Variants in GSK3B observed in about 807,000 individuals in gnomAD.
GSK3B encodes the protein glycogen synthase kinase 3 beta.
GSK3B carries 15 observed loss-of-function variants against 56.4 expected under a neutral mutation model. That is an observed-to-expected ratio of 0.27 (90% CI 0.18 to 0.41). GSK3B has a LOEUF of 0.41. Among genes scored for constraint, GSK3B ranks in the 10% least tolerant of loss-of-function variants. GSK3B has a pLI of 1.00. For missense variants in GSK3B, 300 were observed against 513.4 expected (o/e 0.58, Z 4.02); for synonymous variants, 181 against 188.9 (o/e 0.96, Z 0.34).
intron 7 of GSK3B, among the ~76,000 whole-genome samples, chr3:119,878,252 T>C (rs576411102): frequency 1.3e-5 from 2 of 152,282 alleles, no homozygotes; most frequent in Admixed American, 1.3e-4. Context: ...ATTTACAATA[T>C]ATAAAGAACT....
At chr3:120,051,957 A>G (rs887962612) in intron 1 of GSK3B, among the ~76,000 whole-genome samples, 2 of 152,180 alleles carry the variant, frequency 1.3e-5, no homozygotes, top group Non-Finnish European at 2.9e-5. Flanking sequence ...GGCATTTAAA[A>G]CCAGTGAAAA....
At chr3:119,961,652 G>GAAAAAAAAAA (rs1408724077) in intron 2 of GSK3B, among the ~76,000 whole-genome samples, 1 of 142,878 alleles carries the variant, frequency 7.0e-6, no homozygotes. Context: ...AAAAAAAAAG[G>GAAAAAAAAAA]AAAAAGCACT....
intron 10 of GSK3B, among the ~76,000 whole-genome samples, chr3:119,838,675 A>G (rs2055728666): frequency 6.6e-6 from 1 of 152,180 alleles, no homozygotes; most frequent in Non-Finnish European, 1.5e-5. Context: ...GTATTAAAAC[A>G]ATTTCCTACT....
chr3:119,868,555 C>T (rs1477370061), intron 8 of GSK3B, among the ~76,000 whole-genome samples: 1 of 152,176 alleles, frequency 6.6e-6, no homozygotes, highest in East Asian at 1.9e-4. Flanking sequence ...ATACTAAGAC[C>T]TATGGTTAAC....
chr3:120,009,520 A>G (rs555316394), intron 1 of GSK3B, among the ~76,000 whole-genome samples: 2 of 152,328 alleles, frequency 1.3e-5, no homozygotes, highest in Non-Finnish European at 2.9e-5. Flanking sequence ...AGGAGAGTTC[A>G]TGTCCTTTGC....
chr3:120,012,985 G>A (rs2057792499), intron 1 of GSK3B, among the ~76,000 whole-genome samples: 1 of 152,202 alleles, frequency 6.6e-6, no homozygotes, highest in African/African-American at 2.4e-5. Flanking sequence ...ACTGTATCCA[G>A]TCTAGAATAC....
At chr3:119,831,780 A>T (rs2055605175) in intron 10 of GSK3B, among the ~76,000 whole-genome samples, 1 of 152,216 alleles carries the variant, frequency 6.6e-6, no homozygotes, top group African/African-American at 2.4e-5. Flanking sequence ...CAACTACAGA[A>T]CTGACATTTC....
chr3:120,055,805 T>G (rs1429879675), intron 1 of GSK3B, among the ~76,000 whole-genome samples: 2 of 152,062 alleles, frequency 1.3e-5, no homozygotes, highest in Non-Finnish European at 2.9e-5. Flanking sequence ...TTGGAGAGGG[T>G]AGGCAGGAGA....
At chr3:119,999,926 T>C (rs1446675596) in intron 2 of GSK3B, among the ~76,000 whole-genome samples, 36 of 152,222 alleles carry the variant, frequency 2.4e-4, no homozygotes, top group Admixed American at 2.4e-3. Context: ...TTTTACTTTC[T>C]AGACTATGAA....
At chr3:119,830,362 T>C (rs2055579991) in intron 10 of GSK3B, among the ~76,000 whole-genome samples, 2 of 152,390 alleles carry the variant, frequency 1.3e-5, no homozygotes, top group African/African-American at 4.8e-5. Context: ...AAATTTATTT[T>C]ACACAATGGA....
chr3:120,030,446 T>C (rs141718109), intron 1 of GSK3B, among the ~76,000 whole-genome samples: 110 of 152,324 alleles, frequency 7.2e-4, no homozygotes, highest in African/African-American at 2.6e-3. Context: ...ATTCCCCTGA[T>C]TAAAACTCTT....
chr3:120,075,775 G>C (rs1470725062), intron 1 of GSK3B, among the ~76,000 whole-genome samples: 1 of 152,082 alleles, frequency 6.6e-6, no homozygotes, highest in Non-Finnish European at 1.5e-5. Context: ...TGGATCAAAA[G>C]AATATTGTTA....
At position 120,093,745 on chromosome 3, in the gene GSK3B, A is replaced by T; in HGVS notation, c.-311T>A. On this transcript the variant is annotated 5_prime_UTR_variant, in exon 1 of 11. Coordinates refer to ENST00000264235, the MANE Select transcript of GSK3B (RefSeq NM_001146156.2). Reference sequence around the variant, plus strand: ...AAAAGAGAGGGCAAATCCTAAAAAAATATGTATCACGTGAAACGGGGGCAA... The same window carrying T: ...AAAAGAGAGGGCAAATCCTAAAAAATTATGTATCACGTGAAACGGGGGCAA... 1 of 302,886 alleles carries T rather than the reference A, an allele frequency of 3.3e-6. No homozygotes were observed. Among genetic ancestry groups the T allele is most frequent in the East Asian group, 4.9e-5 (1 of 20,332 alleles). The allele number at this position is 302,886 out of a possible 1,614,324, so 18.8% of individuals were successfully genotyped here.
intron 2 of GSK3B, among the ~76,000 whole-genome samples, chr3:119,964,215 A>C (rs2057299424): frequency 6.6e-6 from 1 of 152,228 alleles, no homozygotes; most frequent in African/African-American, 2.4e-5. Context: ...AAGAAGACAT[A>C]CATACGACCA....
intron 6 of GSK3B, among the ~76,000 whole-genome samples, chr3:119,909,495 A>G (rs528826043): frequency 2.6e-5 from 4 of 152,330 alleles, no homozygotes; most frequent in Non-Finnish European, 5.9e-5. Flanking sequence ...TTAGCTTCCT[A>G]TTCATGTCCA....
At chr3:119,996,458 C>T (rs1242225235) in intron 2 of GSK3B, among the ~76,000 whole-genome samples, 3 of 152,182 alleles carry the variant, frequency 2.0e-5, no homozygotes, top group Admixed American at 1.3e-4. Flanking sequence ...ATTTTCCTGA[C>T]TCACATCCTT....
intron 4 of GSK3B, among the ~76,000 whole-genome samples, chr3:119,918,050 A>G (rs2056799126): frequency 6.6e-6 from 1 of 152,178 alleles, no homozygotes; most frequent in South Asian, 2.1e-4. Flanking sequence ...AGAGAGATTA[A>G]GCAACTTGCT....
rs1383337690 is a variant in GSK3B at position 119,963,830 on chromosome 3, A to G, written c.283-16479T>C. Among the ~76,000 whole-genome samples the G allele has an allele frequency of 2.6e-5, 4 of 152,184 alleles. No individual in the cohort carries two copies. In the East Asian group the frequency reaches 7.7e-4, roughly 29 times the overall value. On this transcript the variant is annotated intron_variant, in intron 2 of 10. Transcript: ENST00000264235. The stretch of plus-strand genomic sequence containing the variant: ...GGATACCCATATCCAAAAGAATGAA[A>G]TTGGAACCTTATCTTACACCATACA...
intron 8 of GSK3B, among the ~76,000 whole-genome samples, chr3:119,873,331 ACTT>A (rs1017664445): frequency 4.1e-5 from 6 of 147,764 alleles, no homozygotes; most frequent in African/African-American, 1.5e-4. Context: ...ATTTCTGTCT[ACTT>A]TTTTTTTTTT....
Sources: gnomAD v4.1 joint callset for allele counts (sites outside exome capture counted in the v4.1 genomes callset) on GRCh38, gnomAD v4.1.1 for gene constraint, MANE v1.5 for transcripts, NCBI Gene and HGNC (gene_info 2026-07-23, HGNC 2026-07-21) for gene names.